Variants in ZNF385D observed in about 807,000 individuals in gnomAD.
ZNF385D encodes zinc finger protein 385D.
In ZNF385D, 15 loss-of-function variants were observed where a neutral mutation model predicts 35.8. The observed-to-expected ratio is 0.42, with a 90% CI of 0.28 to 0.64. The LOEUF (loss-of-function observed/expected upper bound fraction) is 0.64, where lower values mean the gene tolerates loss of function less well. Ranked by LOEUF, ZNF385D falls within the 30% of genes least tolerant of loss-of-function variation. The probability of loss-of-function intolerance (pLI) is 0.23; values close to 1 mark genes in which losing one functional copy is unlikely to be tolerated. For missense variants in ZNF385D, 474 were observed against 494.6 expected, an observed-to-expected ratio of 0.96 and a Z score of 0.39; for synonymous variants, 212 against 186.8, an observed-to-expected ratio of 1.13 and a Z score of -1.10.
chr3:22,371,025 A>T (rs1696879498), intron 2 of ZNF385D, among the ~76,000 whole-genome samples: 1 of 152,190 alleles, frequency 6.6e-6, no homozygotes, highest in African/African-American at 2.4e-5. Context: ...CCATGAAGAG[A>T]GTGCTCAAGT....
intron 3 of ZNF385D, among the ~76,000 whole-genome samples, chr3:21,897,810 C>G (rs1699210851): frequency 1.3e-5 from 2 of 152,060 alleles, no homozygotes; most frequent in Non-Finnish European, 2.9e-5. Context: ...TTCATGTGAT[C>G]ACCATATTAA....
At chr3:21,797,583 T>A (rs1171388310) in intron 3 of ZNF385D, among the ~76,000 whole-genome samples, 1 of 152,220 alleles carries the variant, frequency 6.6e-6, no homozygotes, top group Non-Finnish European at 1.5e-5. Context: ...GCCCAAACTT[T>A]GAAGCAACCA....
At position 21,413,598 on chromosome 3, in the gene ZNF385D, A is replaced by AT. The variant is rs1005008890; in HGVS notation, c.*7615dup. On this transcript the variant is annotated 3_prime_UTR_variant, in exon 8 of 8. Coordinates refer to ENST00000281523, the MANE Select transcript of ZNF385D (RefSeq NM_024697.3). The stretch of plus-strand genomic sequence containing the variant: ...ACCTTATATGATCCTTTGCCAAGAG[A>AT]TTGATATTAGATAAAACCCTGGTTA... 8.4e-5 allele frequency: 12 copies of AT among 143,676 alleles called. No homozygotes were observed. Among genetic ancestry groups the AT allele is most frequent in the Admixed American group, 1.4e-4 (2 of 14,766 alleles). The allele number at this position is 143,676 out of a possible 1,614,324, so 8.9% of individuals were successfully genotyped here.
intron 3 of ZNF385D, among the ~76,000 whole-genome samples, chr3:21,558,989 CT>C (rs55997613): frequency 1.5e-3 from 195 of 128,766 alleles, no homozygotes; most frequent in South Asian, 1.7e-3. Flanking sequence ...GCAACCCCTG[CT>C]TTTTTTTTTT....
chr3:22,103,606 C>T (rs1702052647), intron 3 of ZNF385D, among the ~76,000 whole-genome samples: 2 of 152,070 alleles, frequency 1.3e-5, no homozygotes, highest in Admixed American at 6.6e-5. Context: ...TATGAATCAT[C>T]TGAGTGACCA....
intron 3 of ZNF385D, among the ~76,000 whole-genome samples, chr3:21,996,382 T>C (rs763419767): frequency 1.2e-4 from 18 of 152,152 alleles, no homozygotes; most frequent in Non-Finnish European, 2.5e-4. Flanking sequence ...ATTTCCTTCA[T>C]TTTCCATGCC....
chr3:21,619,503 T>C (rs1248064561), intron 2 of ZNF385D, among the ~76,000 whole-genome samples: 1 of 152,120 alleles, frequency 6.6e-6, no homozygotes, highest in Admixed American at 6.6e-5. Context: ...TAGTCTTTAC[T>C]TTCTAAATTC....
chr3:21,782,135 C>A (rs2071514362), intron 3 of ZNF385D, among the ~76,000 whole-genome samples: 1 of 152,102 alleles, frequency 6.6e-6, no homozygotes, highest in African/African-American at 2.4e-5. Flanking sequence ...CATTCAGAGA[C>A]AATGCTGCAT....
chr3:22,148,838 G>T (rs930317668), intron 3 of ZNF385D, among the ~76,000 whole-genome samples: 1 of 152,168 alleles, frequency 6.6e-6, no homozygotes, highest in Non-Finnish European at 1.5e-5. Context: ...TGTCTGAGAA[G>T]TATTAAATTG....
At chr3:21,519,747 CTG>C (rs1417517966) in intron 3 of ZNF385D, among the ~76,000 whole-genome samples, 9 of 152,264 alleles carry the variant, frequency 5.9e-5, no homozygotes, top group Admixed American at 3.9e-4. Context: ...TTGTACAAAA[CTG>C]AGAAAAATCA....
intron 3 of ZNF385D, among the ~76,000 whole-genome samples, chr3:21,967,922 C>A (rs1351994892): frequency 6.6e-6 from 1 of 152,208 alleles, no homozygotes; most frequent in Non-Finnish European, 1.5e-5. Flanking sequence ...GGTGAGCAAT[C>A]ACAGTATCTG....
At chr3:21,851,255 G>A (rs533419465) in intron 3 of ZNF385D, among the ~76,000 whole-genome samples, 3 of 152,026 alleles carry the variant, frequency 2.0e-5, no homozygotes, top group Non-Finnish European at 1.5e-5. Flanking sequence ...AAAAGATTGT[G>A]AATTTGATGA....
In ZNF385D at chr3:21,599,458, A is replaced by G. The variant is rs187933988; in HGVS notation, c.166-34774T>C. 6.6e-5 allele frequency among the ~76,000 whole-genome samples: 10 copies of G among 152,362 alleles called. 1 individual carries two copies. Among genetic ancestry groups the G allele is most frequent in the South Asian group, 2.1e-4 (1 of 4,830 alleles). On this transcript the variant is annotated intron_variant, in intron 2 of 7. Coordinates refer to ENST00000281523, the MANE Select transcript of ZNF385D (RefSeq NM_024697.3). ...CCAAAACACTTTTTCCAAAGTTTGC[A>G]TAGGAGACAATTTCTCCAGGTGAAT...
chr3:22,232,879 C>G (rs1246448713), intron 2 of ZNF385D, among the ~76,000 whole-genome samples: 1 of 152,180 alleles, frequency 6.6e-6, no homozygotes. Context: ...ACATTGTTTA[C>G]ATCCTGAAGA....
chr3:22,107,868 G>A lies in ZNF385D; in HGVS notation c.325+60949C>T, dbSNP rs371183846. Among the ~76,000 whole-genome samples, 8 of 151,906 alleles carry A rather than the reference G, an allele frequency of 5.3e-5. No homozygotes were observed. The East Asian group carries it at 1.2e-3, about 22-fold the overall frequency. On this transcript the variant is annotated intron_variant, in intron 3 of 5. Coordinates refer to the ZNF385D transcript ENST00000494108. ...TGAATGTGTCTGCTTCAAAATTCAG[G>A]TGTTGTCAATGTGATGGTATTATAA... is the stretch of plus-strand genomic sequence containing the variant.
chr3:21,620,602 T>A (rs1486519012), intron 2 of ZNF385D, among the ~76,000 whole-genome samples: 1 of 152,170 alleles, frequency 6.6e-6, no homozygotes, highest in East Asian at 1.9e-4. Context: ...TAGCACTGAA[T>A]GTCAGGCAAG....
At chr3:22,109,360 G>C (rs1380620266) in intron 3 of ZNF385D, among the ~76,000 whole-genome samples, 1 of 152,088 alleles carries the variant, frequency 6.6e-6, no homozygotes, top group African/African-American at 2.4e-5. Flanking sequence ...CTTGTACATG[G>C]ACATTTAATG....
At chr3:22,112,260 T>C (rs1469994104) in intron 3 of ZNF385D, among the ~76,000 whole-genome samples, 1 of 152,150 alleles carries the variant, frequency 6.6e-6, no homozygotes, top group Non-Finnish European at 1.5e-5. Context: ...TGGATTATAA[T>C]GAGAATAATT....
At chr3:21,742,397 C>T (rs537899355) in intron 1 of ZNF385D, among the ~76,000 whole-genome samples, 1 of 152,218 alleles carries the variant, frequency 6.6e-6, no homozygotes, top group Non-Finnish European at 1.5e-5. Flanking sequence ...CAGAAATACT[C>T]TCCCATTTAA....
Sources: allele counts gnomAD v4.1 joint callset (sites outside exome capture counted in the v4.1 genomes callset), GRCh38; gene constraint gnomAD v4.1.1; transcripts MANE v1.5; gene names NCBI Gene and HGNC (gene_info 2026-07-23, HGNC 2026-07-21).